The following TCF7L2 variants were observed in gnomAD, a reference collection of about 807,000 sequenced individuals.
The protein encoded by TCF7L2 is transcription factor 7 like 2.
In TCF7L2, 23 loss-of-function variants were observed where a neutral mutation model predicts 77.9. The ratio of observed to expected loss-of-function variants is 0.30; its 90% confidence interval spans 0.21 to 0.42. The LOEUF (loss-of-function observed/expected upper bound fraction) is 0.42, where lower values mean the gene tolerates loss of function less well. Among genes scored for constraint, TCF7L2 ranks in the 10% least tolerant of loss-of-function variants. TCF7L2 has a pLI of 1.00. For missense variants in TCF7L2, 654 were observed against 793.1 expected, an observed-to-expected ratio of 0.82 and a Z score of 2.11; for synonymous variants, 413 against 340.2, an observed-to-expected ratio of 1.21 and a Z score of -2.36.
chr10:112,951,367 C>T (rs2031162222), intron 2 of TCF7L2, 94 bp downstream of exon 2: 7 of 1,066,468 alleles, frequency 6.6e-6, no homozygotes, highest in Non-Finnish European at 6.9e-6. Context: ...TCGGCCTGGC[C>T]CTGCGCCGGC....
chr10:112,954,127 A>C (rs568177654), intron 3 of TCF7L2, among the ~76,000 whole-genome samples: 51 of 152,336 alleles, frequency 3.3e-4, no homozygotes, highest in Non-Finnish European at 6.5e-4. Flanking sequence ...GGAATGGAGG[A>C]ATGCATAGGC....
At chr10:113,157,978 C>G (rs2137359463) in intron 11 of TCF7L2, 43 bp from the exon 12 acceptor site, 1 of 1,555,868 alleles carries the variant, frequency 6.4e-7, no homozygotes, top group Non-Finnish European at 8.7e-7. Context: ...CTTCTCACAT[C>G]TGTTTCTTGC....
chr10:113,153,684 C>G (rs2071237188), intron 11 of TCF7L2, among the ~76,000 whole-genome samples: 1 of 152,176 alleles, frequency 6.6e-6, no homozygotes, highest in South Asian at 2.1e-4. Flanking sequence ...GTCATGTGAC[C>G]CAACCTAACT....
At chr10:113,106,324 G>C (rs1193996762) in intron 5 of TCF7L2, among the ~76,000 whole-genome samples, 1 of 152,218 alleles carries the variant, frequency 6.6e-6, no homozygotes, top group Non-Finnish European at 1.5e-5. Flanking sequence ...ACTGCTGTAA[G>C]ATCAAGCAAT....
intron 5 of TCF7L2, among the ~76,000 whole-genome samples, chr10:113,112,949 C>T: frequency 6.6e-6 from 1 of 152,284 alleles, no homozygotes; most frequent in Admixed American, 6.5e-5. Flanking sequence ...TTCTATTTGT[C>T]ATTGCGGTTT....
At chr10:113,039,896 A>C (rs1296942147) in intron 4 of TCF7L2, 129 bp from the exon 5 acceptor site, 4 of 740,638 alleles carry the variant, frequency 5.4e-6, no homozygotes, top group Admixed American at 6.2e-5. Context: ...TTATTTTTTT[A>C]ATGATTATTT....
intron 5 of TCF7L2, among the ~76,000 whole-genome samples, chr10:113,120,824 T>C (rs955073760): frequency 7.2e-5 from 11 of 152,184 alleles, no homozygotes; most frequent in African/African-American, 2.7e-4. Context: ...TCAGGAAGTA[T>C]GAGGCCAAGA....
At chr10:113,090,996 G>A (rs537814289) in intron 5 of TCF7L2, among the ~76,000 whole-genome samples, 29 of 152,144 alleles carry the variant, frequency 1.9e-4, no homozygotes, top group African/African-American at 7.0e-4. Context: ...CCGCCTGCCA[G>A]CTTCAAGAAA....
In TCF7L2 at chr10:113,070,269, T is replaced by TTATATATATATATATATATA. The variant is rs34181424; in HGVS notation, c.552+30145_552+30164dup. ...GACTCCGTCTTAAAAAAAAAAAAAT[T>TTATATATATATATATATATA]TATATATATATATATATATATGAAT... On this transcript the variant is annotated intron_variant, in intron 5 of 13. Coordinates refer to ENST00000627217, the MANE Select transcript of TCF7L2 (RefSeq NM_001146274.2). 1.8e-3 allele frequency among the ~76,000 whole-genome samples: 219 copies of TTATATATATATATATATATA among 124,044 alleles called. 1 individual carries two copies. Among genetic ancestry groups the TTATATATATATATATATATA allele is most frequent in the African/African-American group, 6.3e-3 (203 of 32,444 alleles). 81.4% of individuals were successfully genotyped at this position (124,044 alleles called of 152,430 possible). A position where few individuals can be genotyped will look rare whatever the true frequency, so the allele number is the denominator to read the frequency against.
At chr10:113,123,269 C>G (rs1350369087) in intron 5 of TCF7L2, among the ~76,000 whole-genome samples, 3 of 152,226 alleles carry the variant, frequency 2.0e-5, no homozygotes, top group Non-Finnish European at 4.4e-5. Flanking sequence ...AACTCCGGTT[C>G]AGAGCGCACA....
In TCF7L2 at chr10:113,136,444, G is replaced by T. The variant is rs538327255; in HGVS notation, c.553-4740G>T. Among the ~76,000 whole-genome samples the T allele has an allele frequency of 7.0e-4, 107 of 152,304 alleles. 1 individual carries two copies. The highest frequency in any genetic ancestry group is 2.5e-3 in the African/African-American group (104 of 41,562). Reference sequence around the variant, plus strand: ...ATATATGAGTGTTTGCTGTTTTTGTGGCTCGGAGAATCCGTTGTCATCATG... The same window carrying T: ...ATATATGAGTGTTTGCTGTTTTTGTTGCTCGGAGAATCCGTTGTCATCATG... On this transcript the variant is annotated intron_variant, in intron 5 of 13. Coordinates refer to ENST00000627217, the MANE Select transcript of TCF7L2 (RefSeq NM_001146274.2).
chr10:113,000,107 T>A (rs945393766), intron 4 of TCF7L2, among the ~76,000 whole-genome samples: 1 of 152,206 alleles, frequency 6.6e-6, no homozygotes, highest in East Asian at 1.9e-4. Flanking sequence ...AGTCCTAAAG[T>A]TAAAGAAAAT....
intron 5 of TCF7L2, among the ~76,000 whole-genome samples, chr10:113,083,168 T>C (rs2135489250): frequency 6.6e-6 from 1 of 151,900 alleles, no homozygotes; most frequent in South Asian, 2.1e-4. Context: ...CTGTGTGCTA[T>C]GGAGGTAGTA....
intron 1 of TCF7L2, 105 bp downstream of exon 1, chr10:112,951,050 G>A (rs112419682): frequency 3.5e-6 from 5 of 1,429,970 alleles, no homozygotes; most frequent in African/African-American, 1.5e-5. Flanking sequence ...GGCGGGGCCC[G>A]GCGGGCGGCG....
intron 8 of TCF7L2, among the ~76,000 whole-genome samples, chr10:113,147,824 C>T (rs773231124): frequency 5.3e-5 from 8 of 151,966 alleles, no homozygotes; most frequent in Non-Finnish European, 8.8e-5. Context: ...ATTGAATTAT[C>T]ATTAGGAGGT....
chr10:113,068,175 T>C (rs945212142), intron 5 of TCF7L2, among the ~76,000 whole-genome samples: 2 of 152,222 alleles, frequency 1.3e-5, no homozygotes, highest in Non-Finnish European at 2.9e-5. Context: ...ACTCTAGATA[T>C]AACTCTCCTT....
intron 4 of TCF7L2, among the ~76,000 whole-genome samples, chr10:113,037,583 A>G (rs1164093337): frequency 2.0e-5 from 3 of 152,220 alleles, no homozygotes; most frequent in Non-Finnish European, 2.9e-5. Flanking sequence ...GTGGCACACA[A>G]TGAAGCTTTT....
intron 5 of TCF7L2, among the ~76,000 whole-genome samples, chr10:113,054,017 C>T (rs1022868780): frequency 2.0e-5 from 3 of 152,174 alleles, no homozygotes; most frequent in African/African-American, 4.8e-5. Context: ...GGCAGGTTTC[C>T]GGACACCAGA....
intron 4 of TCF7L2, 116 bp downstream of exon 4, chr10:112,964,740 T>G: frequency 2.7e-5 from 18 of 661,292 alleles, no homozygotes; most frequent in East Asian, 1.8e-4. Flanking sequence ...ATGATGATGA[T>G]GGTGGTGGTG....
Sources: gnomAD v4.1 joint callset for allele counts (sites outside exome capture counted in the v4.1 genomes callset) on GRCh38, gnomAD v4.1.1 for gene constraint, MANE v1.5 for transcripts, NCBI Gene and HGNC (gene_info 2026-07-23, HGNC 2026-07-21) for gene names.